The following NTN1 variants were observed in gnomAD, a reference collection of about 807,000 sequenced individuals.
The protein encoded by NTN1 is netrin-1.
In NTN1, 11 loss-of-function variants were observed where a neutral mutation model predicts 54.2. The ratio of observed to expected loss-of-function variants is 0.20; its 90% CI spans 0.13 to 0.34. NTN1 has a LOEUF of 0.34. NTN1 is among the 10% of genes least tolerant of loss of function. The probability of loss-of-function intolerance (pLI) is 1.00; values close to 1 mark genes in which losing one functional copy is unlikely to be tolerated. For synonymous variants in NTN1, 371 were observed against 382.0 expected (o/e 0.97, Z 0.33); for missense variants, 740 against 893.1 (o/e 0.83, Z 2.18).
chr17:9,225,710 A>AGGGCGGGCC (rs535616949), intron 6 of NTN1, among the ~76,000 whole-genome samples: 1 of 151,704 alleles, frequency 6.6e-6, no homozygotes, highest in African/African-American at 2.4e-5. Context: ...GAGGCCGCCA[A>AGGGCGGGCC]ACCGGGCGGG....
chr17:9,183,141 A>G (rs2092423916), intron 5 of NTN1, 172 bp downstream of exon 5: 1 of 714,644 alleles, frequency 1.4e-6, no homozygotes. Context: ...GCTATAGGAC[A>G]CTATTTTGTG....
rs571130477 is a variant in NTN1, at chr17:9,226,374, C to T, written c.1486+5132C>T. Among the ~76,000 whole-genome samples the T allele has an allele frequency of 8.6e-5, 13 of 151,992 alleles. 2 individuals carry two copies. The highest frequency in any genetic ancestry group is 3.1e-4 in the African/African-American group (13 of 41,464). On this transcript the variant is annotated intron_variant, in intron 6 of 6. Coordinates refer to ENST00000173229, the MANE Select transcript of NTN1 (RefSeq NM_004822.3). Reference sequence around the variant, plus strand: ...CTAAGTGAGACCCTGGCTGTGCCCCCCGCCCACAGCAGGCACCGTGTCTAA... The same window carrying T: ...CTAAGTGAGACCCTGGCTGTGCCCCTCGCCCACAGCAGGCACCGTGTCTAA...
At chr17:9,021,809 C>T (rs943907660) in intron 1 of NTN1, among the ~76,000 whole-genome samples, 3 of 152,032 alleles carry the variant, frequency 2.0e-5, no homozygotes, top group East Asian at 1.9e-4. Context: ...CTCCGGCGAC[C>T]GGCGCGCGGG....
intron 2 of NTN1, among the ~76,000 whole-genome samples, chr17:9,119,176 A>ATTTT (rs1555569564): frequency 6.7e-6 from 1 of 150,032 alleles, no homozygotes; most frequent in African/African-American, 2.4e-5. Flanking sequence ...TTAAAAATGT[A>ATTTT]TTATTTATTT....
At chr17:9,058,462 G>C (rs1236950713) in intron 2 of NTN1, among the ~76,000 whole-genome samples, 2 of 151,352 alleles carry the variant, frequency 1.3e-5, no homozygotes, top group Non-Finnish European at 2.9e-5. Flanking sequence ...ACGTTTCTGT[G>C]TTCTGGCCCT....
intron 2 of NTN1, among the ~76,000 whole-genome samples, chr17:9,136,172 A>C (rs2092280625): frequency 6.6e-6 from 1 of 152,256 alleles, no homozygotes; most frequent in African/African-American, 2.4e-5. Flanking sequence ...GCAGCAGAGC[A>C]AATGCTGCCC....
chr17:9,117,512 G>A lies in NTN1; in HGVS notation c.1019-45301G>A, dbSNP rs532671321. Among the ~76,000 whole-genome samples the A allele has an allele frequency of 5.3e-5, 8 of 152,166 alleles. No individual in the cohort carries two copies. The South Asian group carries it at 1.0e-3, about 20-fold the overall frequency. On this transcript the variant is annotated intron_variant, in intron 2 of 6. Coordinates refer to ENST00000173229, the MANE Select transcript of NTN1 (RefSeq NM_004822.3). Reference sequence around the variant, plus strand: ...GGCTCACGCAGTAGTTTGGGAGGCCGAGGAGGGTGGATCACAAGGTCAGGA... The same window carrying A: ...GGCTCACGCAGTAGTTTGGGAGGCCAAGGAGGGTGGATCACAAGGTCAGGA...
intron 2 of NTN1, among the ~76,000 whole-genome samples, chr17:9,042,555 G>A (rs1023225793): frequency 1.3e-5 from 2 of 150,958 alleles, no homozygotes; most frequent in South Asian, 2.1e-4. Context: ...TTGGGAGGCC[G>A]AGGCGGGCAG....
rs1184833926 is a variant in NTN1, at chr17:9,239,886, T to C, written c.1733T>C (p.Val578Ala). ...SGIVADKSSLVIQWRDTWARR... is the reference protein window; with the variant it reads ...SGIVADKSSLAIQWRDTWARR... Reference sequence around the variant, plus strand: ...ATCGTGGCCGATAAAAGCAGCCTGGTGATCCAGTGGCGGGACACGTGGGCG... The same window carrying C: ...ATCGTGGCCGATAAAAGCAGCCTGGCGATCCAGTGGCGGGACACGTGGGCG... Residue 578 changes from valine to alanine, a missense_variant, in exon 7 of 7, where the codon GTG becomes GCG. By Grantham distance (64) the Val-to-Ala change is moderately conservative. Transcript: ENST00000173229. This position sits in a 1 kb window ranked among gnomAD's most constrained non-coding sequence, Gnocchi z 5.2. 1.2e-6 allele frequency: 2 copies of C among 1,609,872 alleles called. No homozygotes were observed. Among genetic ancestry groups the C allele is most frequent in the East Asian group, 2.2e-5 (1 of 44,692 alleles).
intron 5 of NTN1, among the ~76,000 whole-genome samples, chr17:9,189,040 C>G (rs1235018903): frequency 6.6e-6 from 1 of 152,180 alleles, no homozygotes; most frequent in Admixed American, 6.5e-5. Context: ...GAAGATTAGA[C>G]CAGACCCAGA....
upstream of NTN1, among the ~76,000 whole-genome samples, chr17:9,018,623 TAAAAAAAAAAAA>T (rs57153983): frequency 1.8e-5 from 2 of 112,480 alleles, no homozygotes; most frequent in Admixed American, 1.9e-4. Context: ...GACTCCATCT[TAAAAAAAAAAAA>T]AAAAAAAAAG....
At chr17:9,200,430 C>T (rs1274934628) in intron 5 of NTN1, among the ~76,000 whole-genome samples, 1 of 152,216 alleles carries the variant, frequency 6.6e-6, no homozygotes, top group African/African-American at 2.4e-5. Context: ...GAATGGAGGG[C>T]ACAGAGCTGT....
rs554043370 is a variant in NTN1, at chr17:9,222,329, G to A, written c.1486+1087G>A. 9.2e-5 allele frequency among the ~76,000 whole-genome samples: 14 copies of A among 152,316 alleles called. 1 individual carries two copies. The South Asian group carries it at 2.9e-3, about 32-fold the overall frequency. On this transcript the variant is annotated intron_variant, in intron 6 of 6. Coordinates refer to ENST00000173229, the MANE Select transcript of NTN1 (RefSeq NM_004822.3). ...CAGCCCCTATCCCCTCAGTGGCCCT[G>A]CCAGCCCCAGCACCTCCTGGCCACC...
chr17:9,010,428 CAG>C, the NTN1 span, among the ~76,000 whole-genome samples: 1 of 152,284 alleles, frequency 6.6e-6, no homozygotes, highest in Admixed American at 6.5e-5. Flanking sequence ...GCTCTGAACT[CAG>C]TGTTGTGGGG....
chr17:9,112,823 C>CAAAA (rs386385610), intron 2 of NTN1, among the ~76,000 whole-genome samples: 2 of 96,024 alleles, frequency 2.1e-5, no homozygotes, highest in Non-Finnish European at 4.2e-5. Context: ...GACTCCGTCT[C>CAAAA]AAAAAAAAAA....
chr17:9,161,142 C>T (rs2092355651), intron 2 of NTN1, among the ~76,000 whole-genome samples: 1 of 152,160 alleles, frequency 6.6e-6, no homozygotes, highest in African/African-American at 2.4e-5. Flanking sequence ...CCTGATGTGG[C>T]ACAAGGAAAG....
intron 2 of NTN1, among the ~76,000 whole-genome samples, chr17:9,090,173 TTTTC>T (rs2092105133): frequency 6.6e-6 from 1 of 151,616 alleles, no homozygotes; most frequent in African/African-American, 2.4e-5. Context: ...ATCTTTTTTT[TTTTC>T]TTTTTCTTTT....
intron 6 of NTN1, among the ~76,000 whole-genome samples, chr17:9,226,418 AGGCGGTCTCGTG>A (rs1905552109): frequency 7.1e-6 from 1 of 139,906 alleles, no homozygotes; most frequent in Non-Finnish European, 1.5e-5. Context: ...GGCCGTGGGG[AGGCGGTCTCGTG>A]GGGAGGCGGT....
chr17:9,058,637 C>CAAAAAAAAAAAAAAAAAA (rs3053457), intron 2 of NTN1, among the ~76,000 whole-genome samples: 8 of 58,898 alleles, frequency 1.4e-4, no homozygotes, highest in African/African-American at 1.3e-4. Flanking sequence ...GGTAGGCACT[C>CAAAAAAAAAAAAAAAAAA]AAAAAAAAAA....
Sources: allele counts gnomAD v4.1 joint callset (sites outside exome capture counted in the v4.1 genomes callset), GRCh38; gene constraint gnomAD v4.1.1; non-coding constraint Gnocchi (gnomAD v3.1); transcripts MANE v1.5; gene names NCBI Gene and HGNC (gene_info 2026-07-23, HGNC 2026-07-21).